Variants in FSTL5 observed in about 807,000 individuals in gnomAD.
FSTL5 encodes follistatin like 5, also known as follistatin-related protein 5.
FSTL5 carries 62 observed loss-of-function variants against 89.1 expected under a neutral mutation model. That is an observed-to-expected ratio of 0.70 (90% CI 0.57 to 0.86). The LOEUF is 0.86. FSTL5 is among the 40% of genes least tolerant of loss of function. The pLI, the probability that FSTL5 is intolerant of heterozygous loss-of-function variation, is 0.00. For missense variants in FSTL5, 1,057 were observed against 1,001.6 expected (o/e 1.06, Z -0.75); for synonymous variants, 383 against 346.2 (o/e 1.11, Z -1.18).
intron 6 of FSTL5, among the ~76,000 whole-genome samples, chr4:161,683,594 C>T (rs902636578): frequency 1.3e-5 from 2 of 151,752 alleles, no homozygotes; most frequent in African/African-American, 4.8e-5. Flanking sequence ...AATCCTCTAC[C>T]AAAATATTTT....
intron 3 of FSTL5, among the ~76,000 whole-genome samples, chr4:161,961,336 G>A (rs967374911): frequency 2.0e-5 from 3 of 151,816 alleles, no homozygotes; most frequent in African/African-American, 4.8e-5. Flanking sequence ...GGTCTCCAAC[G>A]TCTAGTCTCT....
chr4:161,722,022 A>G (rs1219495979), intron 6 of FSTL5, among the ~76,000 whole-genome samples: 2 of 152,182 alleles, frequency 1.3e-5, no homozygotes, highest in African/African-American at 4.8e-5. Context: ...TCTTATACAT[A>G]ATATGAATGC....
In FSTL5 at chr4:161,811,104, A is replaced by G. The variant is rs902157160; in HGVS notation, c.410-35030T>C. On this transcript the variant is annotated intron_variant, in intron 4 of 15. Coordinates refer to ENST00000306100, the MANE Select transcript of FSTL5 (RefSeq NM_020116.5). ...TGAACATAAATAAATACAAATATAA[A>G]CAAACTGACTAAATAAAGAGAGGAG... Among the ~76,000 whole-genome samples the G allele has an allele frequency of 4.6e-5, 7 of 152,306 alleles. No homozygotes were observed. In the East Asian group the frequency reaches 1.4e-3, roughly 29 times the overall value.
Position 161,545,346 on chromosome 4 carries a change from T to C in FSTL5, c.1016-2653A>G, listed in dbSNP as rs375449843. 3.9e-4 allele frequency among the ~76,000 whole-genome samples: 59 copies of C among 152,198 alleles called. 1 individual carries two copies. In the South Asian group the frequency reaches 0.011, roughly 28 times the overall value. ...TCTCTCTCCCATGTATATACACATA[T>C]GCATGTGTGTGCACACGTAATTTAA... On this transcript the variant is annotated intron_variant, in intron 8 of 15. Coordinates refer to ENST00000306100, the MANE Select transcript of FSTL5 (RefSeq NM_020116.5).
intron 15 of FSTL5, among the ~76,000 whole-genome samples, chr4:161,425,168 T>A (rs1393581835): frequency 6.6e-6 from 1 of 152,222 alleles, no homozygotes; most frequent in Non-Finnish European, 1.5e-5. Context: ...AATAACACAC[T>A]GCAAATGAGC....
At chr4:161,519,249 T>C (rs547976773) in intron 10 of FSTL5, among the ~76,000 whole-genome samples, 214 of 151,968 alleles carry the variant, frequency 1.4e-3, no homozygotes, top group Middle Eastern at 3.4e-3. Flanking sequence ...AGTCTTAGAG[T>C]GGCATGGTGG....
At chr4:161,506,700 G>A (rs1730493671) in intron 11 of FSTL5, among the ~76,000 whole-genome samples, 1 of 152,176 alleles carries the variant, frequency 6.6e-6, no homozygotes, top group South Asian at 2.1e-4. Context: ...ATTTTAGGCT[G>A]AAGAAGCTAA....
chr4:161,632,814 G>A (rs549052357), intron 7 of FSTL5, among the ~76,000 whole-genome samples: 5 of 152,034 alleles, frequency 3.3e-5, no homozygotes, highest in African/African-American at 1.2e-4. Flanking sequence ...AATAAAATAG[G>A]TTAAACTCTT....
intron 4 of FSTL5, among the ~76,000 whole-genome samples, chr4:161,804,416 G>C (rs1383541921): frequency 6.6e-6 from 1 of 151,808 alleles, no homozygotes; most frequent in Non-Finnish European, 1.5e-5. Context: ...TTAATATTGA[G>C]TTATTTCAAT....
chr4:162,090,898 C>T, intron 2 of FSTL5, among the ~76,000 whole-genome samples: 1 of 150,262 alleles, frequency 6.7e-6, no homozygotes, highest in African/African-American at 2.5e-5. Flanking sequence ...AAGACCTTTC[C>T]AAAGATTCCT....
intron 4 of FSTL5, among the ~76,000 whole-genome samples, chr4:161,791,483 A>G (rs998090514): frequency 6.6e-6 from 1 of 152,218 alleles, no homozygotes; most frequent in Non-Finnish European, 1.5e-5. Context: ...TCTGGCCCAT[A>G]TAATCTTTGT....
chr4:161,892,907 A>C (rs1364423231), intron 4 of FSTL5, among the ~76,000 whole-genome samples: 1 of 152,116 alleles, frequency 6.6e-6, no homozygotes, highest in Non-Finnish European at 1.5e-5. Flanking sequence ...CATTTCAAAA[A>C]TATTTGCCAT....
At chr4:161,607,062 TAACTC>T (rs1272986226) in intron 7 of FSTL5, among the ~76,000 whole-genome samples, 1 of 152,180 alleles carries the variant, frequency 6.6e-6, no homozygotes, top group Non-Finnish European at 1.5e-5. Context: ...AAAAAGGTGA[TAACTC>T]AATAATGTAT....
chr4:162,079,722 A>G (rs1161500595), intron 2 of FSTL5, among the ~76,000 whole-genome samples: 1 of 151,502 alleles, frequency 6.6e-6, no homozygotes, highest in Non-Finnish European at 1.5e-5. Context: ...GGATTTAGGA[A>G]GGCTCAATTC....
chr4:161,458,821 A>C (rs1309516161), intron 14 of FSTL5, among the ~76,000 whole-genome samples: 1 of 152,226 alleles, frequency 6.6e-6, no homozygotes, highest in Non-Finnish European at 1.5e-5. Context: ...GCCTCTCCTC[A>C]GATAACAGAA....
intron 8 of FSTL5, among the ~76,000 whole-genome samples, chr4:161,585,039 C>T (rs1733557998): frequency 6.6e-6 from 1 of 152,086 alleles, no homozygotes; most frequent in Non-Finnish European, 1.5e-5. Flanking sequence ...GTTTCTGAGA[C>T]CTCATTATTT....
chr4:162,090,228 A>G (rs1730492927), intron 2 of FSTL5, among the ~76,000 whole-genome samples: 1 of 152,164 alleles, frequency 6.6e-6, no homozygotes, highest in Non-Finnish European at 1.5e-5. Context: ...GAACAAAAGC[A>G]AAAATTAACA....
At chr4:161,866,262 A>G (rs946438025) in intron 4 of FSTL5, among the ~76,000 whole-genome samples, 15 of 152,134 alleles carry the variant, frequency 9.9e-5, no homozygotes, top group Admixed American at 2.0e-4. Context: ...ATGAAACCCA[A>G]AAACTTTTTG....
chr4:161,801,399 C>T (rs1729787816), intron 4 of FSTL5, among the ~76,000 whole-genome samples: 1 of 151,414 alleles, frequency 6.6e-6, no homozygotes, highest in South Asian at 2.1e-4. Context: ...CAAAGTCGTT[C>T]TCAGCTTTAT....
Sources: gnomAD v4.1 joint callset for allele counts (sites outside exome capture counted in the v4.1 genomes callset) on GRCh38, gnomAD v4.1.1 for gene constraint, MANE v1.5 for transcripts, NCBI Gene and HGNC (gene_info 2026-07-23, HGNC 2026-07-21) for gene names.